The following FOXN2 variants were observed in gnomAD, a reference collection of about 807,000 sequenced individuals.
FOXN2 encodes the protein forkhead box N2, also known as forkhead box protein N2.
Under a neutral mutation model 41.2 loss-of-function variants are expected in FOXN2, and 19 were observed. That is an observed-to-expected ratio of 0.46 (90% confidence interval 0.32 to 0.68). FOXN2 has a LOEUF of 0.68. FOXN2 is among the 30% of genes least tolerant of loss of function. The pLI, the probability that FOXN2 is intolerant of heterozygous loss-of-function variation, is 0.03. For missense variants in FOXN2, 587 were observed against 509.4 expected, an observed-to-expected ratio of 1.15 and a Z score of -1.47; for synonymous variants, 195 against 176.8, an observed-to-expected ratio of 1.10 and a Z score of -0.82.
rs1673252770 is a variant in FOXN2 at position 48,376,439 on chromosome 2, C to G, written c.*996C>G. 1 of 152,308 alleles carries G rather than the reference C, an allele frequency of 6.6e-6. No individual in the cohort carries two copies. Among genetic ancestry groups the G allele is most frequent in the African/African-American group, 2.4e-5 (1 of 41,418 alleles). 9.4% of individuals were successfully genotyped at this position (152,308 alleles called of 1,614,324 possible). A position where few individuals can be genotyped will look rare whatever the true frequency, so the allele number is the denominator to read the frequency against. ...AAGTAGGTCATTTAGGAAAAAACTT[C>G]TGTCCAAGCTTTGTATGAATTAAAT... On this transcript the variant is annotated 3_prime_UTR_variant, in exon 7 of 7. Coordinates refer to ENST00000340553, the MANE Select transcript of FOXN2 (RefSeq NM_002158.4).
chr2:48,356,189 C>A (rs749375891), intron 3 of FOXN2, among the ~76,000 whole-genome samples: 4 of 152,120 alleles, frequency 2.6e-5, no homozygotes, highest in Non-Finnish European at 5.9e-5. Context: ...CGCCTGTAAT[C>A]CCAACACTTT....
intron 5 of FOXN2, among the ~76,000 whole-genome samples, chr2:48,372,897 TA>T (rs1673002290): frequency 6.7e-6 from 1 of 149,952 alleles, no homozygotes; most frequent in Non-Finnish European, 1.5e-5. Flanking sequence ...TATGCATAGG[TA>T]ATGATAGTAT....
At chr2:48,373,166 T>A in intron 5 of FOXN2, 126 bp from the exon 6 acceptor site, 1 of 627,058 alleles carries the variant, frequency 1.6e-6, no homozygotes, top group Non-Finnish European at 2.8e-6. Flanking sequence ...TTGTTTGATG[T>A]GCGTTTATGC....
intron 5 of FOXN2, among the ~76,000 whole-genome samples, chr2:48,369,905 T>A (rs1672777038): frequency 6.6e-6 from 1 of 151,644 alleles, no homozygotes; most frequent in Admixed American, 6.6e-5. Context: ...GAAGCTAAGG[T>A]TGAAGGATCG....
intron 5 of FOXN2, among the ~76,000 whole-genome samples, chr2:48,366,810 A>C (rs951211789): frequency 2.6e-5 from 4 of 151,902 alleles, no homozygotes; most frequent in Admixed American, 2.6e-4. Context: ...GAATAATTCT[A>C]ATTTCAAAGC....
intron 4 of FOXN2, among the ~76,000 whole-genome samples, chr2:48,359,964 C>T (rs1475588789): frequency 1.3e-5 from 2 of 151,776 alleles, no homozygotes; most frequent in African/African-American, 4.8e-5. Context: ...TTTCGTAGTA[C>T]TTAATATTTG....
intron 1 of FOXN2, among the ~76,000 whole-genome samples, chr2:48,325,862 T>G (rs985787150): frequency 6.0e-5 from 9 of 149,418 alleles, no homozygotes; most frequent in African/African-American, 2.3e-4. Context: ...TTTTTTTTTT[T>G]TTTTGAGACG....
intron 5 of FOXN2, 70 bp downstream of exon 5, chr2:48,362,777 C>T: frequency 8.1e-7 from 1 of 1,235,780 alleles, no homozygotes; most frequent in Non-Finnish European, 1.2e-6. Flanking sequence ...CAGTGCATAA[C>T]AATGGTGGTC....
chr2:48,322,157 A>G (rs1669370920), intron 1 of FOXN2, among the ~76,000 whole-genome samples: 1 of 152,202 alleles, frequency 6.6e-6, no homozygotes, highest in Admixed American at 6.5e-5. Context: ...CGTGTTGGCC[A>G]GGCTGGTCTC....
At position 48,346,675 on chromosome 2, in the gene FOXN2, C is replaced by T. The variant is rs1172883994; in HGVS notation, c.461C>T (p.Thr154Ile). The stretch of plus-strand genomic sequence containing the variant: ...TTTCCATATTTTGCTACTGCACCAA[C>T]AGGCTGGAAGAATTCTGTTCGACAT... ...DHFPYFATAPTGWKNSVRHNL... is the reference protein window; with the variant it reads ...DHFPYFATAPIGWKNSVRHNL... Residue 154 changes from threonine to isoleucine, a missense_variant, in exon 3 of 7, where the codon ACA becomes ATA. Physicochemically the swap from Thr to Ile is moderately conservative, Grantham distance 89. Coordinates refer to ENST00000340553, the MANE Select transcript of FOXN2 (RefSeq NM_002158.4). 3.1e-6 allele frequency: 5 copies of T among 1,613,644 alleles called. No individual in the cohort carries two copies. In the South Asian group the frequency reaches 3.3e-5, roughly 11 times the overall value.
chr2:48,322,188 T>A (rs1280957155), intron 1 of FOXN2, among the ~76,000 whole-genome samples: 1 of 152,210 alleles, frequency 6.6e-6, no homozygotes, highest in Non-Finnish European at 1.5e-5. Flanking sequence ...CCTCAGGTGA[T>A]CTGCCTGCCC....
At chr2:48,316,341 C>T (rs1668919632) in intron 1 of FOXN2, among the ~76,000 whole-genome samples, 2 of 151,998 alleles carry the variant, frequency 1.3e-5, no homozygotes, top group African/African-American at 2.4e-5. Context: ...ATGGAGTTTG[C>T]CAACTTTGGG....
chr2:48,350,372 G>A (rs1671373630), intron 3 of FOXN2, among the ~76,000 whole-genome samples: 1 of 152,206 alleles, frequency 6.6e-6, no homozygotes, highest in Admixed American at 6.5e-5. Context: ...TTGAGCATGA[G>A]CAGATTTTCT....
In FOXN2 at chr2:48,367,254, G is replaced by GTTTAAAAATATTAC. The variant is rs375680370; in HGVS notation, c.703+4549_703+4562dup. On this transcript the variant is annotated intron_variant, in intron 5 of 6. Transcript: ENST00000340553. Reference sequence around the variant, plus strand: ...GTGTGTATTTAGAGTAAATTCACCTGTTTAAAAATATTACTGAGCTGTTCT... The same window carrying GTTTAAAAATATTAC: ...GTGTGTATTTAGAGTAAATTCACCTGTTTAAAAATATTACTTTAAAAATATTACTGAGCTGTTCT... Among the ~76,000 whole-genome samples the GTTTAAAAATATTAC allele has an allele frequency of 2.9e-3, 445 of 152,206 alleles. 3 individuals carry two copies. Among genetic ancestry groups the GTTTAAAAATATTAC allele is most frequent in the African/African-American group, 0.01 (426 of 41,522 alleles).
intron 1 of FOXN2, among the ~76,000 whole-genome samples, chr2:48,318,438 A>G (rs1455930870): frequency 1.3e-5 from 2 of 152,190 alleles, no homozygotes; most frequent in African/African-American, 4.8e-5. Context: ...GATAACAGAG[A>G]TGAATTGCCA....
chr2:48,351,762 T>G (rs755714388), intron 3 of FOXN2, among the ~76,000 whole-genome samples: 1 of 152,174 alleles, frequency 6.6e-6, no homozygotes, highest in African/African-American at 2.4e-5. Context: ...CTCTGTGACC[T>G]GTTTCCTAAG....
chr2:48,325,222 G>A lies in FOXN2; in HGVS notation c.-156-3339G>A, dbSNP rs559689956. On this transcript the variant is annotated intron_variant, in intron 1 of 6. Transcript: ENST00000340553. ...CAGTACTTCCAGTTTGGAGCACACC[G>A]TTTAATCCTTCTCTATGTGTGTTTC... Among the ~76,000 whole-genome samples the A allele has an allele frequency of 7.9e-5, 12 of 152,148 alleles. 1 individual carries two copies. The highest frequency in any genetic ancestry group is 1.9e-4 in the East Asian group (1 of 5,186).
chr2:48,340,095 AC>A (rs1450940322), intron 2 of FOXN2, among the ~76,000 whole-genome samples: 2 of 152,290 alleles, frequency 1.3e-5, no homozygotes, highest in East Asian at 3.9e-4. Context: ...TAAAGAAAAA[AC>A]CTTTTGTTAA....
intron 3 of FOXN2, among the ~76,000 whole-genome samples, chr2:48,358,001 C>A (rs1038936655): frequency 6.6e-6 from 1 of 151,956 alleles, no homozygotes; most frequent in Non-Finnish European, 1.5e-5. Context: ...ATATGACAAC[C>A]ATGGTTTTTC....
Sources: allele counts gnomAD v4.1 joint callset (sites outside exome capture counted in the v4.1 genomes callset), GRCh38; gene constraint gnomAD v4.1.1; transcripts MANE v1.5; gene names NCBI Gene and HGNC (gene_info 2026-07-23, HGNC 2026-07-21).